LARGE1: variants seen among roughly 807,000 people sequenced by gnomAD.
The protein encoded by LARGE1 is xylosyl- and glucuronyltransferase LARGE1.
In LARGE1, 43 loss-of-function variants were observed where a neutral mutation model predicts 87.6. The ratio of observed to expected loss-of-function variants is 0.49; its 90% CI spans 0.38 to 0.63. The LOEUF is 0.63. Ranked by LOEUF, LARGE1 falls within the 30% of genes least tolerant of loss-of-function variation. LARGE1 has a pLI of 0.00. For synonymous variants in LARGE1, 434 were observed against 394.6 expected (o/e 1.10, Z -1.18); for missense variants, 802 against 1,000.2 (o/e 0.80, Z 2.67).
chr22:33,568,122 G>A (rs1003163745), intron 5 of LARGE1, among the ~76,000 whole-genome samples: 1 of 152,224 alleles, frequency 6.6e-6, no homozygotes, highest in Admixed American at 6.5e-5. Flanking sequence ...AAGGGCCCAG[G>A]CCAGCAGATG....
rs532410979 is a variant in LARGE1 at position 33,735,193 on chromosome 22, A to G, written c.106+26178T>C. Among the ~76,000 whole-genome samples the G allele has an allele frequency of 2.0e-5, 3 of 152,322 alleles. No homozygotes were observed. The South Asian group carries it at 6.2e-4, about 32-fold the overall frequency. ...CTTCTCAGCCAGGAGAAGGCACTGG[A>G]GGAATCTGCTTAACAAATTCCCATG... On this transcript the variant is annotated intron_variant, in intron 2 of 14. Coordinates refer to ENST00000397394, the MANE Select transcript of LARGE1 (RefSeq NM_133642.5).
At chr22:33,199,916 C>T (rs904696312) in intron 11 of LARGE1, among the ~76,000 whole-genome samples, 2 of 151,594 alleles carry the variant, frequency 1.3e-5, no homozygotes, top group Non-Finnish European at 2.9e-5. Context: ...GTGGCACAAT[C>T]TCGGCTCACT....
intron 1 of LARGE1, among the ~76,000 whole-genome samples, chr22:33,844,059 A>C (rs2063358567): frequency 6.8e-6 from 1 of 146,722 alleles, no homozygotes; most frequent in Non-Finnish European, 1.5e-5. Flanking sequence ...AGCCTGGGTG[A>C]CAAAAGTGAA....
intron 6 of LARGE1, among the ~76,000 whole-genome samples, chr22:33,516,758 T>G (rs1189271131): frequency 2.0e-5 from 3 of 151,936 alleles, no homozygotes; most frequent in Admixed American, 6.6e-5. Flanking sequence ...CCTGGCTAAT[T>G]TATTTTTAGT....
intron 7 of LARGE1, among the ~76,000 whole-genome samples, chr22:33,393,800 T>C (rs776830105): frequency 6.6e-6 from 1 of 152,226 alleles, no homozygotes; most frequent in Non-Finnish European, 1.5e-5. Context: ...CTGGGATGCA[T>C]GTGACCCGCA....
At position 33,755,359 on chromosome 22, in the gene LARGE1, G is replaced by A. The variant is rs1024169920; in HGVS notation, c.106+6012C>T. Among the ~76,000 whole-genome samples the A allele has an allele frequency of 3.3e-5, 5 of 152,096 alleles. No individual in the cohort carries two copies. In the South Asian group the frequency reaches 6.2e-4, roughly 19 times the overall value. Reference sequence around the variant, plus strand: ...TTTTAAATAACACCCACATTGTCCCGGACTGCCTCCCTGACAATGGGAAAC... The same window carrying A: ...TTTTAAATAACACCCACATTGTCCCAGACTGCCTCCCTGACAATGGGAAAC... On this transcript the variant is annotated intron_variant, in intron 2 of 14. Coordinates refer to ENST00000397394, the MANE Select transcript of LARGE1 (RefSeq NM_133642.5).
At chr22:33,124,382 A>AAGGG in the LARGE1 span, among the ~76,000 whole-genome samples, 1 of 148,846 alleles carries the variant, frequency 6.7e-6, no homozygotes, top group Non-Finnish European at 1.5e-5. Flanking sequence ...GGAAGGAAGG[A>AAGGG]AGGGAGGAAG....
At chr22:33,241,354 C>T (rs1419766536) in intron 11 of LARGE1, among the ~76,000 whole-genome samples, 1 of 152,098 alleles carries the variant, frequency 6.6e-6, no homozygotes, top group African/African-American at 2.4e-5. Flanking sequence ...TCTGTGCTCT[C>T]ATGACAACAG....
In LARGE1 at chr22:33,867,168, C is replaced by T. The variant is rs543003827; in HGVS notation, c.-83+52827G>A. Among the ~76,000 whole-genome samples the T allele has an allele frequency of 3.4e-3, 510 of 152,224 alleles. 1 individual carries two copies. The highest frequency in any genetic ancestry group is 6.2e-3 in the Non-Finnish European group (419 of 68,024). On this transcript the variant is annotated intron_variant, in intron 1 of 14. Transcript: ENST00000397394. Reference sequence around the variant, plus strand: ...GGTGGGCCCAGAGTTAATTACCCCACGGTGGATGGATGTGGCTAACTCAGC... The same window carrying T: ...GGTGGGCCCAGAGTTAATTACCCCATGGTGGATGGATGTGGCTAACTCAGC...
At chr22:33,550,142 T>TAGACAC (rs1555954017) in intron 6 of LARGE1, among the ~76,000 whole-genome samples, 7 of 142,340 alleles carry the variant, frequency 4.9e-5, no homozygotes, top group Admixed American at 7.3e-5. Context: ...ACTTAAAGTA[T>TAGACAC]ACACACACAC....
chr22:33,068,728 G>T, the LARGE1 span, among the ~76,000 whole-genome samples: 1 of 152,212 alleles, frequency 6.6e-6, no homozygotes, highest in Non-Finnish European at 1.5e-5. Context: ...CTCCCAGAGT[G>T]ACTATCTCTG....
At chr22:33,555,888 C>A (rs975812737) in intron 6 of LARGE1, among the ~76,000 whole-genome samples, 1 of 150,324 alleles carries the variant, frequency 6.7e-6, no homozygotes, top group Non-Finnish European at 1.5e-5. Flanking sequence ...GGAGATCACG[C>A]CACTGCACTC....
intron 1 of LARGE1, among the ~76,000 whole-genome samples, chr22:33,810,676 TGCCATGAGTA>T (rs1416472864): frequency 6.6e-6 from 1 of 151,886 alleles, no homozygotes; most frequent in Non-Finnish European, 1.5e-5. Flanking sequence ...CATGCAGCAG[TGCCATGAGTA>T]GCCTGTGATG....
chr22:33,614,479 G>T (rs142723976), intron 4 of LARGE1, among the ~76,000 whole-genome samples: 2,444 of 151,962 alleles, frequency 0.016, 64 homozygotes, highest in Admixed American at 0.066. Flanking sequence ...CCAGCCTCTC[G>T]CATGGAGCAA....
At chr22:33,743,860 T>A (rs1488746871) in intron 2 of LARGE1, 1 of 152,228 alleles carries the variant, frequency 6.6e-6, no homozygotes, top group Admixed American at 6.5e-5. Flanking sequence ...TAATTTTCTC[T>A]AAGAGACAGA....
At chr22:33,561,180 T>C (rs1185852701) in intron 6 of LARGE1, among the ~76,000 whole-genome samples, 2 of 152,190 alleles carry the variant, frequency 1.3e-5, no homozygotes, top group Admixed American at 6.5e-5. Flanking sequence ...AAATGGTAGT[T>C]AGCTTTCCCT....
At chr22:33,284,797 G>C (rs1190061257) in intron 12 of LARGE1, among the ~76,000 whole-genome samples, 1 of 152,128 alleles carries the variant, frequency 6.6e-6, no homozygotes, top group Non-Finnish European at 1.5e-5. Flanking sequence ...GGATGGTCTT[G>C]ATCTCTTGAC....
chr22:33,544,619 T>C (rs900639182), intron 6 of LARGE1, among the ~76,000 whole-genome samples: 3 of 151,996 alleles, frequency 2.0e-5, no homozygotes, highest in African/African-American at 4.8e-5. Context: ...GAGGTGGAGG[T>C]TGCAGTGAGC....
chr22:33,222,877 G>A (rs532986537), intron 11 of LARGE1, among the ~76,000 whole-genome samples: 1 of 152,160 alleles, frequency 6.6e-6, no homozygotes, highest in Non-Finnish European at 1.5e-5. Flanking sequence ...TTTGAGTAAT[G>A]TTCCTGGACT....
Sources: allele counts gnomAD v4.1 joint callset (sites outside exome capture counted in the v4.1 genomes callset), GRCh38; gene constraint gnomAD v4.1.1; transcripts MANE v1.5; gene names NCBI Gene and HGNC (gene_info 2026-07-23, HGNC 2026-07-21).